The following CFAP20 variants were observed in gnomAD, a reference collection of about 807,000 sequenced individuals.
CFAP20 encodes cilia and flagella associated protein 20.
CFAP20 carries 14 observed loss-of-function variants against 25.5 expected under a neutral mutation model. That is an observed-to-expected ratio of 0.55 (90% CI 0.36 to 0.86). CFAP20 has a LOEUF of 0.86. Ranked by LOEUF, CFAP20 falls within the 40% of genes least tolerant of loss-of-function variation. The pLI is 0.01. For missense variants in CFAP20, 181 were observed against 248.0 expected, an observed-to-expected ratio of 0.73 and a Z score of 1.81; for synonymous variants, 75 against 91.1, an observed-to-expected ratio of 0.82 and a Z score of 1.01.
intron 3 of CFAP20, 94 bp from the exon 4 acceptor site, chr16:58,115,551 T>C: frequency 6.9e-7 from 1 of 1,450,840 alleles, no homozygotes; most frequent in South Asian, 1.3e-5. Flanking sequence ...CACAGCTTGC[T>C]TTCCCAAGGC....
rs1382211510 is a variant in CFAP20 at position 58,129,363 on chromosome 16, G to C, written c.-248C>G. The C allele has an allele frequency of 2.1e-6, 1 of 484,292 alleles. No individual in the cohort carries two copies. The highest frequency in any genetic ancestry group is 2.0e-5 in the African/African-American group (1 of 51,150). 30.0% of individuals were successfully genotyped at this position (484,292 alleles called of 1,614,324 possible). ...CACAGCAACTACCGTCCGCGCCGCG[G>C]TATTTCCCCGCCTTCAATGGAGGCG... On this transcript the variant is annotated 5_prime_UTR_variant, in exon 1 of 6. Transcript: ENST00000262498.
chr16:58,122,425 C>CA (rs1231831230), intron 1 of CFAP20, among the ~76,000 whole-genome samples: 1 of 151,906 alleles, frequency 6.6e-6, no homozygotes, highest in African/African-American at 2.4e-5. Context: ...ACTAAAAATA[C>CA]AAAAAAATTA....
In CFAP20 at chr16:58,119,755, C is replaced by T. The variant is rs575416691; in HGVS notation, c.85-2804G>A. ...CTGTGCAGAATACGCCACTACTGCCCGCCTCACTCGCCATCTACTGTTCCC... is the reference window on the plus strand; with the variant it reads ...CTGTGCAGAATACGCCACTACTGCCTGCCTCACTCGCCATCTACTGTTCCC... On this transcript the variant is annotated intron_variant, in intron 1 of 5. Coordinates refer to ENST00000262498, the MANE Select transcript of CFAP20 (RefSeq NM_013242.3). Among the ~76,000 whole-genome samples the T allele has an allele frequency of 1.2e-4, 18 of 152,312 alleles. No homozygotes were observed. In the South Asian group the frequency reaches 1.2e-3, roughly 11 times the overall value.
Position 58,113,827 on chromosome 16 carries a change from T to C in CFAP20, c.*198A>G. ...TTCATGCGCCACTCACAGGACTGCT[T>C]ACCCCCACTGCACTTACAATGCAGT... On this transcript the variant is annotated 3_prime_UTR_variant, in exon 6 of 6. Coordinates refer to ENST00000262498, the MANE Select transcript of CFAP20 (RefSeq NM_013242.3). The C allele has an allele frequency of 1.6e-6, 1 of 626,136 alleles. No individual in the cohort carries two copies. Among genetic ancestry groups the C allele is most frequent in the Non-Finnish European group, 2.8e-6 (1 of 353,510 alleles). 38.8% of individuals were successfully genotyped at this position (626,136 alleles called of 1,614,324 possible).
intron 1 of CFAP20, among the ~76,000 whole-genome samples, chr16:58,119,762 C>T (rs1440762851): frequency 6.6e-6 from 1 of 152,182 alleles, no homozygotes; most frequent in Non-Finnish European, 1.5e-5. Context: ...GCCCGCCTCA[C>T]TCGCCATCTA....
At chr16:58,123,225 C>A (rs1048259273) in intron 1 of CFAP20, among the ~76,000 whole-genome samples, 1 of 150,572 alleles carries the variant, frequency 6.6e-6, no homozygotes, top group Non-Finnish European at 1.5e-5. Context: ...GAACTCCTGA[C>A]CTCAGCTCGC....
intron 1 of CFAP20, among the ~76,000 whole-genome samples, chr16:58,128,188 A>T (rs188447939): frequency 2.1e-3 from 324 of 152,340 alleles, no homozygotes; most frequent in African/African-American, 7.2e-3. Context: ...CAATTCATAG[A>T]CAGCTAGATC....
chr16:58,120,419 G>A (rs185113592), intron 1 of CFAP20, among the ~76,000 whole-genome samples: 58 of 152,286 alleles, frequency 3.8e-4, no homozygotes, highest in African/African-American at 1.4e-3. Context: ...TCAACAAGAG[G>A]CCTCCCTCAG....
rs377430452 is a variant in CFAP20, at chr16:58,113,671, T to C, written c.*354A>G. The C allele has an allele frequency of 1.5e-4, 34 of 232,742 alleles. No homozygotes were observed. Among genetic ancestry groups the C allele is most frequent in the African/African-American group, 7.0e-4 (32 of 45,546 alleles). 14.4% of individuals were successfully genotyped at this position (232,742 alleles called of 1,614,324 possible). ...AGCATATACATATATTTAGATAATATATAAAACATAGAATAAACCGCAGGA... is the reference window on the plus strand; with the variant it reads ...AGCATATACATATATTTAGATAATACATAAAACATAGAATAAACCGCAGGA... On this transcript the variant is annotated 3_prime_UTR_variant, in exon 6 of 6. Transcript: ENST00000262498.
In CFAP20 at chr16:58,129,258, G is replaced by A; in HGVS notation, c.-143C>T. The A allele has an allele frequency of 1.3e-6, 1 of 778,974 alleles. No individual in the cohort carries two copies. Among genetic ancestry groups the A allele is most frequent in the Non-Finnish European group, 2.0e-6 (1 of 491,704 alleles). 48.3% of individuals were successfully genotyped at this position (778,974 alleles called of 1,614,324 possible). A position where few individuals can be genotyped will look rare whatever the true frequency, so the allele number is the denominator to read the frequency against. On this transcript the variant is annotated 5_prime_UTR_variant, in exon 1 of 6. Coordinates refer to ENST00000262498, the MANE Select transcript of CFAP20 (RefSeq NM_013242.3). ...TGAGCTCCTGGCCTCCGGATCTGCA[G>A]CCACTGATGGCCGGACTCGGACGCG...
intron 2 of CFAP20, 106 bp from the exon 3 acceptor site, chr16:58,116,258 A>G (rs1567446951): frequency 6.3e-6 from 5 of 791,250 alleles, no homozygotes; most frequent in Non-Finnish European, 8.0e-6. Context: ...AAGCAGATCT[A>G]AAAGATTCAG....
At chr16:58,116,205 G>A in intron 2 of CFAP20, 53 bp from the exon 3 acceptor site, 1 of 1,320,392 alleles carries the variant, frequency 7.6e-7, no homozygotes, top group Middle Eastern at 1.8e-4. Flanking sequence ...CTTCCTTTGT[G>A]GTATGCACAA....
At chr16:58,126,949 T>C (rs1019839281) in intron 1 of CFAP20, among the ~76,000 whole-genome samples, 7 of 151,696 alleles carry the variant, frequency 4.6e-5, no homozygotes, top group African/African-American at 1.7e-4. Context: ...TATTTTTCAA[T>C]TGAGTCTAAA....
chr16:58,122,298 C>T (rs780944534), intron 1 of CFAP20, among the ~76,000 whole-genome samples: 7 of 152,164 alleles, frequency 4.6e-5, no homozygotes, highest in Non-Finnish European at 1.0e-4. Context: ...CCCATGTCTT[C>T]GGACGGGCGC....
intron 1 of CFAP20, among the ~76,000 whole-genome samples, chr16:58,124,473 A>C (rs1960582866): frequency 6.6e-6 from 1 of 152,206 alleles, no homozygotes; most frequent in African/African-American, 2.4e-5. Context: ...GTGTACTTAC[A>C]CAGACTTAGA....
chr16:58,117,567 T>C (rs1960474255), intron 1 of CFAP20, among the ~76,000 whole-genome samples: 1 of 152,156 alleles, frequency 6.6e-6, no homozygotes. Flanking sequence ...TAGCTGGGAT[T>C]ATAAGCGTGC....
chr16:58,113,834 A>T lies in CFAP20; in HGVS notation c.*191T>A. On this transcript the variant is annotated 3_prime_UTR_variant, in exon 6 of 6. Transcript: ENST00000262498. ...GCCACTCACAGGACTGCTTACCCCC[A>T]CTGCACTTACAATGCAGTCACAGAG... is the stretch of plus-strand genomic sequence containing the variant. The T allele has an allele frequency of 1.5e-6, 1 of 648,950 alleles. No individual in the cohort carries two copies. The highest frequency in any genetic ancestry group is 2.7e-6 in the Non-Finnish European group (1 of 369,310). 40.2% of individuals were successfully genotyped at this position (648,950 alleles called of 1,614,324 possible). A position where few individuals can be genotyped will look rare whatever the true frequency, so the allele number is the denominator to read the frequency against.
chr16:58,119,735 C>T (rs1232020196), intron 1 of CFAP20, among the ~76,000 whole-genome samples: 1 of 152,232 alleles, frequency 6.6e-6, no homozygotes, highest in African/African-American at 2.4e-5. Context: ...TGGGTCTGTG[C>T]AGAATACGCC....
At position 58,129,167 on chromosome 16, in the gene CFAP20, A is replaced by C; in HGVS notation, c.-52T>G. On this transcript the variant is annotated 5_prime_UTR_variant, in exon 1 of 6. Transcript: ENST00000262498. ...CCCCCGGAGCCGACCTAGGCCCCGG[A>C]GTAGATACAGGCACCGAGCGTCGAG... The C allele has an allele frequency of 6.3e-7, 1 of 1,589,434 alleles. No individual in the cohort carries two copies. Among genetic ancestry groups the C allele is most frequent in the Non-Finnish European group, 8.6e-7 (1 of 1,162,996 alleles).
Sources: allele counts gnomAD v4.1 joint callset (sites outside exome capture counted in the v4.1 genomes callset), GRCh38; gene constraint gnomAD v4.1.1; transcripts MANE v1.5; gene names NCBI Gene and HGNC (gene_info 2026-07-23, HGNC 2026-07-21).